The following ZW10 variants were observed in gnomAD, a reference collection of about 807,000 sequenced individuals.
The protein encoded by ZW10 is zw10 kinetochore protein, also known as centromere/kinetochore protein zw10 homolog.
In ZW10, 53 loss-of-function variants were observed where a neutral mutation model predicts 87.8. The ratio of observed to expected loss-of-function variants is 0.60; its 90% CI spans 0.48 to 0.76. The LOEUF (loss-of-function observed/expected upper bound fraction) is 0.76, where lower values mean the gene tolerates loss of function less well. ZW10 is among the 30% of genes least tolerant of loss of function. The pLI is 0.00. For synonymous variants in ZW10, 312 were observed against 329.2 expected, an observed-to-expected ratio of 0.95 and a Z score of 0.57; for missense variants, 837 against 923.0, an observed-to-expected ratio of 0.91 and a Z score of 1.21.
chr11:113,747,726 A>G lies in ZW10; in HGVS notation c.1090-13T>C. 1.3e-6 allele frequency: 2 copies of G among 1,562,884 alleles called. No individual in the cohort carries two copies. The highest frequency in any genetic ancestry group is 1.7e-6 in the Non-Finnish European group (2 of 1,153,146). The stretch of plus-strand genomic sequence containing the variant: ...TGGACTGTATGATCTGAGATACAAA[A>G]GAAAAAAAAGAAAAGAATCATTTAC... On this transcript the variant is annotated splice_polypyrimidine_tract_variant and intron_variant, in intron 8 of 15. Transcript: ENST00000200135.
At chr11:113,759,322 T>C (rs1953832988) in intron 5 of ZW10, among the ~76,000 whole-genome samples, 1 of 152,190 alleles carries the variant, frequency 6.6e-6, no homozygotes, top group African/African-American at 2.4e-5. Context: ...TTCTCTTAAC[T>C]AATATTCTAC....
chr11:113,739,304 G>A lies in ZW10; in HGVS notation c.1662C>T (p.Thr554=), dbSNP rs375140483. The A allele has an allele frequency of 6.2e-7, 1 of 1,613,656 alleles. No individual in the cohort carries two copies. Among genetic ancestry groups the A allele is most frequent in the African/African-American group, 1.3e-5 (1 of 74,856 alleles). ...GACGCAATCTGAACTGATGCCCGAG[G>A]GTCAGCAAGTGGTGAGCAATGTACA... The part of the protein sequence containing the change: ...NCMYIAHHLL[T]LGHQFRLRLA... Residue 554 remains threonine, a synonymous_variant, in exon 12 of 16, where the codon ACC becomes ACT. Coordinates refer to ENST00000200135, the MANE Select transcript of ZW10 (RefSeq NM_004724.4).
intron 1 of ZW10, among the ~76,000 whole-genome samples, chr11:113,772,104 C>T (rs1953973543): frequency 6.6e-6 from 1 of 151,640 alleles, no homozygotes; most frequent in African/African-American, 2.4e-5. Flanking sequence ...TTGAAAAATA[C>T]TACAGGTAAA....
chr11:113,768,936 T>C lies in ZW10; in HGVS notation c.137A>G (p.Tyr46Cys). The part of the protein sequence containing the change: ...GEVCNMISKK[Y>C]SEFLPSMQSA... The stretch of plus-strand genomic sequence containing the variant: ...CTGCATGCTAGGCAGGAATTCACTG[T>C]ACTTCTTGCTAATCATATTGCACAC... The change falls in exon 2 of 16, where the codon TAC (tyrosine) becomes TGC (cysteine). Residue 46 changes from tyrosine (Y) to cysteine (C), a missense_variant. Transcript: ENST00000200135. 1 of 1,614,184 alleles carries C rather than the reference T, an allele frequency of 6.2e-7. No individual in the cohort carries two copies. The highest frequency in any genetic ancestry group is 1.1e-5 in the South Asian group (1 of 91,076).
chr11:113,739,189 T>C, intron 12 of ZW10, 24 bp downstream of exon 12: 1 of 1,612,352 alleles, frequency 6.2e-7, no homozygotes, highest in East Asian at 2.2e-5. Flanking sequence ...CCATATGCTT[T>C]CCTACATTGA....
At position 113,768,928 on chromosome 11, in the gene ZW10, A is replaced by C; in HGVS notation, c.145T>G (p.Phe49Val). Residue 49 changes from phenylalanine (F) to valine (V), a missense_variant, in exon 2 of 16, where the codon TTC becomes GTC. Transcript: ENST00000200135. ...TGCGCGCTCTGCATGCTAGGCAGGAATTCACTGTACTTCTTGCTAATCATA... is the reference window on the plus strand; with the variant it reads ...TGCGCGCTCTGCATGCTAGGCAGGACTTCACTGTACTTCTTGCTAATCATA... ...CNMISKKYSE[F>V]LPSMQSAQGL... is the part of the protein sequence containing the mutation. 6.2e-7 allele frequency: 1 copy of C among 1,614,212 alleles called. No individual in the cohort carries two copies. The highest frequency in any genetic ancestry group is 8.5e-7 in the Non-Finnish European group (1 of 1,180,012).
chr11:113,765,942 T>A (rs1036021552), intron 2 of ZW10, among the ~76,000 whole-genome samples: 1 of 152,176 alleles, frequency 6.6e-6, no homozygotes, highest in African/African-American at 2.4e-5. Context: ...TCTATTAATA[T>A]AAAGCAATCT....
chr11:113,751,671 G>A lies in ZW10; in HGVS notation c.926-3251C>T, dbSNP rs528811387. Among the ~76,000 whole-genome samples the A allele has an allele frequency of 5.3e-5, 8 of 152,206 alleles. No homozygotes were observed. The South Asian group carries it at 1.5e-3, about 28-fold the overall frequency. The stretch of plus-strand genomic sequence containing the variant: ...GGGCAGATTACAAGGTCAAAAGTTC[G>A]AGACCAGTCTGACCAACATGGTGAA... On this transcript the variant is annotated intron_variant, in intron 7 of 15. Coordinates refer to ENST00000200135, the MANE Select transcript of ZW10 (RefSeq NM_004724.4).
At chr11:113,772,779 T>A (rs1937650855) in intron 1 of ZW10, among the ~76,000 whole-genome samples, 1 of 147,108 alleles carries the variant, frequency 6.8e-6, no homozygotes, top group African/African-American at 2.5e-5. Context: ...TCGAGACCAG[T>A]CTGGCCAACA....
chr11:113,765,141 C>G (rs1002179865), intron 2 of ZW10, among the ~76,000 whole-genome samples: 2 of 152,182 alleles, frequency 1.3e-5, no homozygotes, highest in Admixed American at 6.5e-5. Context: ...AATTATCCAG[C>G]CCAAAACATC....
At chr11:113,759,715 T>A (rs909200213) in intron 5 of ZW10, among the ~76,000 whole-genome samples, 2 of 152,140 alleles carry the variant, frequency 1.3e-5, no homozygotes, top group Non-Finnish European at 2.9e-5. Flanking sequence ...GCTCATTATT[T>A]TCCCCAAGGA....
chr11:113,735,986 G>C (rs1317344993), intron 15 of ZW10, among the ~76,000 whole-genome samples: 1 of 152,150 alleles, frequency 6.6e-6, no homozygotes, highest in African/African-American at 2.4e-5. Flanking sequence ...CATCCAGGCT[G>C]GCTGCAGTGG....
intron 7 of ZW10, among the ~76,000 whole-genome samples, chr11:113,757,298 T>G (rs932502992): frequency 1.3e-5 from 2 of 152,250 alleles, no homozygotes; most frequent in African/African-American, 4.8e-5. Flanking sequence ...GAGGTTTTAA[T>G]GGAAATATGT....
chr11:113,752,642 T>C (rs941064663), intron 7 of ZW10, among the ~76,000 whole-genome samples: 1 of 152,208 alleles, frequency 6.6e-6, no homozygotes, highest in African/African-American at 2.4e-5. Flanking sequence ...GAACCACTCA[T>C]GTAAGACAGT....
At chr11:113,739,450 C>G in intron 11 of ZW10, 68 bp from the exon 12 acceptor site, 1 of 1,367,934 alleles carries the variant, frequency 7.3e-7, no homozygotes, top group South Asian at 1.4e-5. Context: ...TGATGAAAGT[C>G]ACAACTTCTC....
intron 1 of ZW10, chr11:113,770,494 G>A (rs11214721): frequency 6.6e-6 from 1 of 151,374 alleles, no homozygotes; most frequent in East Asian, 1.9e-4. Context: ...GCTTGTCAGA[G>A]CTCATTCAAC....
At chr11:113,757,342 T>C (rs1953799890) in intron 7 of ZW10, among the ~76,000 whole-genome samples, 1 of 152,212 alleles carries the variant, frequency 6.6e-6, no homozygotes, top group Non-Finnish European at 1.5e-5. Context: ...TCTTCTCCTA[T>C]AATTAAAGCA....
intron 1 of ZW10, chr11:113,771,680 C>G (rs1343573235): frequency 6.6e-6 from 1 of 151,868 alleles, no homozygotes; most frequent in African/African-American, 2.4e-5. Flanking sequence ...TTTTGTTTTT[C>G]TTTTTGAGAT....
At chr11:113,735,839 A>T (rs968748075) in intron 15 of ZW10, among the ~76,000 whole-genome samples, 2 of 152,348 alleles carry the variant, frequency 1.3e-5, no homozygotes, top group Admixed American at 1.3e-4. Context: ...CCTTCTAGGT[A>T]TATGGTGCTT....
Sources: allele counts gnomAD v4.1 joint callset (sites outside exome capture counted in the v4.1 genomes callset), GRCh38; gene constraint gnomAD v4.1.1; transcripts MANE v1.5; gene names NCBI Gene and HGNC (gene_info 2026-07-23, HGNC 2026-07-21).